WDFY2: variants seen among roughly 807,000 people sequenced by gnomAD.
WDFY2 encodes WD repeat and FYVE domain containing 2, also known as WD repeat and FYVE domain-containing protein 2.
Under a neutral mutation model 56.4 loss-of-function variants are expected in WDFY2, and 36 were observed. The observed-to-expected ratio is 0.64, with a 90% confidence interval of 0.49 to 0.84. The LOEUF (loss-of-function observed/expected upper bound fraction) is 0.84. Among genes scored for constraint, WDFY2 ranks in the 40% least tolerant of loss-of-function variants. The pLI is 0.00. For synonymous variants in WDFY2, 176 were observed against 183.7 expected (o/e 0.96, Z 0.34); for missense variants, 444 against 512.2 (o/e 0.87, Z 1.29).
At chr13:51,680,064 G>C (rs913053412) in intron 3 of WDFY2, among the ~76,000 whole-genome samples, 8 of 152,038 alleles carry the variant, frequency 5.3e-5, no homozygotes, top group Admixed American at 2.6e-4. Flanking sequence ...AGATAGGACT[G>C]TAAGTGTGCA....
At chr13:51,720,942 TTCTCTCTCTCTCTC>T (rs71749521) in intron 5 of WDFY2, among the ~76,000 whole-genome samples, 7 of 147,846 alleles carry the variant, frequency 4.7e-5, no homozygotes, top group African/African-American at 1.0e-4. Context: ...TCATTCTGTC[TTCTCTCTCTCTCTC>T]TCTCTCTCTC....
intron 7 of WDFY2, among the ~76,000 whole-genome samples, chr13:51,742,568 G>C (rs1221823943): frequency 2.6e-5 from 4 of 152,078 alleles, no homozygotes; most frequent in Non-Finnish European, 5.9e-5. Context: ...AGCTAATAAC[G>C]GTACTTGGTC....
At chr13:51,585,522 T>G (rs917465487) in intron 1 of WDFY2, among the ~76,000 whole-genome samples, 1 of 152,256 alleles carries the variant, frequency 6.6e-6, no homozygotes, top group African/African-American at 2.4e-5. Context: ...TTGCTTAATA[T>G]GCAGAAGTGG....
At chr13:51,753,748 G>GGTGT (rs553968555) in intron 8 of WDFY2, among the ~76,000 whole-genome samples, 3 of 151,044 alleles carry the variant, frequency 2.0e-5, no homozygotes, top group African/African-American at 7.3e-5. Flanking sequence ...CCTTATAAAA[G>GGTGT]GTGTGTGTGT....
chr13:51,664,946 A>C (rs1473753843), intron 2 of WDFY2, among the ~76,000 whole-genome samples: 1 of 152,242 alleles, frequency 6.6e-6, no homozygotes, highest in Non-Finnish European at 1.5e-5. Flanking sequence ...ACATTGTACG[A>C]TGTACTAAGG....
chr13:51,759,996 CA>C lies in WDFY2; in HGVS notation c.*230del. On this transcript the variant is annotated 3_prime_UTR_variant, in exon 12 of 12. Transcript: ENST00000298125. ...AATATAAAAGAAGCTATTTTTTTAACAAATGGTTTATACAGTCTGGCTGTGC... is the reference window on the plus strand; with the variant it reads ...AATATAAAAGAAGCTATTTTTTTAACAATGGTTTATACAGTCTGGCTGTGC... 2.0e-6 allele frequency: 1 copy of C among 494,268 alleles called. No homozygotes were observed. The highest frequency in any genetic ancestry group is 3.6e-6 in the Non-Finnish European group (1 of 274,882). The allele number at this position is 494,268 out of a possible 1,614,324, so 30.6% of individuals were successfully genotyped here.
At chr13:51,752,320 T>C (rs1314557560) in intron 8 of WDFY2, among the ~76,000 whole-genome samples, 2 of 152,206 alleles carry the variant, frequency 1.3e-5, no homozygotes, top group Admixed American at 6.5e-5. Flanking sequence ...ATCAAAATGA[T>C]CATTACTGTT....
At position 51,758,171 on chromosome 13, in the gene WDFY2, A is replaced by G. The variant is rs746370087; in HGVS notation, c.1065-21A>G. 1.6e-5 allele frequency: 24 copies of G among 1,532,684 alleles called. 1 individual carries two copies. The Admixed American group carries it at 4.1e-4, about 26-fold the overall frequency. 94.9% of individuals were successfully genotyped at this position (1,532,684 alleles called of 1,614,324 possible). Reference sequence around the variant, plus strand: ...TATGTCACCACCTTTTCCCCTCAGAAGCTTTCTTTGCTCCTTCTAGACGTG... The same window carrying G: ...TATGTCACCACCTTTTCCCCTCAGAGGCTTTCTTTGCTCCTTCTAGACGTG... On this transcript the variant is annotated intron_variant, in intron 10 of 11. Coordinates refer to ENST00000298125, the MANE Select transcript of WDFY2 (RefSeq NM_052950.4).
intron 5 of WDFY2, among the ~76,000 whole-genome samples, chr13:51,724,653 A>G (rs532845332): frequency 1.6e-4 from 24 of 152,274 alleles, no homozygotes; most frequent in African/African-American, 5.1e-4. Context: ...TGGCCTCCCC[A>G]TTACCAGCAT....
chr13:51,697,766 A>G (rs954578765), intron 3 of WDFY2, among the ~76,000 whole-genome samples: 1 of 152,202 alleles, frequency 6.6e-6, no homozygotes, highest in Non-Finnish European at 1.5e-5. Flanking sequence ...AGAAATGCCC[A>G]TCTAATAGTG....
chr13:51,612,457 T>C (rs2138337759), intron 1 of WDFY2, among the ~76,000 whole-genome samples: 1 of 152,376 alleles, frequency 6.6e-6, no homozygotes, highest in East Asian at 1.9e-4. Flanking sequence ...TCAAATTGTG[T>C]TTCAAATTAA....
At chr13:51,756,060 C>G (rs77638684) in intron 9 of WDFY2, among the ~76,000 whole-genome samples, 7,738 of 152,188 alleles carry the variant, frequency 0.051, 245 homozygotes, top group Middle Eastern at 0.082. Flanking sequence ...CTCTGTAGTT[C>G]CTAGTATGAT....
In WDFY2 at chr13:51,673,506, C is replaced by G. The variant is rs188081646; in HGVS notation, c.206-1664C>G. Among the ~76,000 whole-genome samples, 116 of 152,246 alleles carry G rather than the reference C, an allele frequency of 7.6e-4. 1 individual carries two copies. The highest frequency in any genetic ancestry group is 1.9e-4 in the East Asian group (1 of 5,192). On this transcript the variant is annotated intron_variant, in intron 2 of 11. Coordinates refer to ENST00000298125, the MANE Select transcript of WDFY2 (RefSeq NM_052950.4). ...GTAAAGACAGTGTTATAGAAATAAT[C>G]TTGTCATTTGAACACAAGAATAATT... is the stretch of plus-strand genomic sequence containing the variant.
At chr13:51,626,300 C>T (rs181706818) in intron 1 of WDFY2, among the ~76,000 whole-genome samples, 2 of 152,336 alleles carry the variant, frequency 1.3e-5, no homozygotes, top group African/African-American at 4.8e-5. Context: ...TCAAGTATCT[C>T]TTTCTGCTCT....
chr13:51,614,755 T>C (rs1406401113), intron 1 of WDFY2, among the ~76,000 whole-genome samples: 1 of 152,228 alleles, frequency 6.6e-6, no homozygotes, highest in Non-Finnish European at 1.5e-5. Context: ...CTGGGAAATG[T>C]AGTTTTGGCC....
intron 1 of WDFY2, among the ~76,000 whole-genome samples, chr13:51,608,667 C>T (rs542440315): frequency 4.4e-4 from 67 of 152,014 alleles, no homozygotes; most frequent in African/African-American, 1.5e-3. Context: ...GGTGACAGAG[C>T]GAGACTGTCT....
intron 1 of WDFY2, among the ~76,000 whole-genome samples, chr13:51,642,523 CTT>C (rs1456233392): frequency 6.6e-6 from 1 of 152,022 alleles, no homozygotes; most frequent in Non-Finnish European, 1.5e-5. Context: ...ATCTGGAACT[CTT>C]GAGCTCAAGT....
intron 3 of WDFY2, among the ~76,000 whole-genome samples, chr13:51,690,785 C>T (rs1488939646): frequency 1.7e-4 from 26 of 152,246 alleles, no homozygotes; most frequent in South Asian, 6.2e-4. Context: ...ACTTCCACAA[C>T]GGTTGAACTA....
chr13:51,584,489 C>G lies in WDFY2; in HGVS notation c.-199C>G, dbSNP rs1012248736. ...AGTGGCGCCGGCTTGCATCCCAGGT[C>G]GTGGCGGTTTTGGTGCCTGAAGCAG... On this transcript the variant is annotated 5_prime_UTR_variant, in exon 1 of 12. Coordinates refer to ENST00000298125, the MANE Select transcript of WDFY2 (RefSeq NM_052950.4). The G allele has an allele frequency of 6.1e-6, 4 of 660,298 alleles. No individual in the cohort carries two copies. The African/African-American group carries it at 7.6e-5, about 12-fold the overall frequency. The allele number at this position is 660,298 out of a possible 1,614,324, so 40.9% of individuals were successfully genotyped here.
Sources: gnomAD v4.1 joint callset for allele counts (sites outside exome capture counted in the v4.1 genomes callset) on GRCh38, gnomAD v4.1.1 for gene constraint, MANE v1.5 for transcripts, NCBI Gene and HGNC (gene_info 2026-07-23, HGNC 2026-07-21) for gene names.